The following DNAJB6 variants were observed in gnomAD, a reference collection of about 807,000 sequenced individuals.
The protein encoded by DNAJB6 is dnaJ homolog subfamily B member 6.
DNAJB6 carries 16 observed loss-of-function variants against 42.7 expected under a neutral mutation model. The observed-to-expected ratio is 0.37, with a 90% CI of 0.25 to 0.57. The LOEUF is 0.57. DNAJB6 is among the 20% of genes least tolerant of loss of function. The probability of loss-of-function intolerance (pLI) is 0.74; values close to 1 mark genes in which losing one functional copy is unlikely to be tolerated. For missense variants in DNAJB6, 347 were observed against 416.8 expected (o/e 0.83, Z 1.46); for synonymous variants, 170 against 163.5 (o/e 1.04, Z -0.30).
intron 7 of DNAJB6, 101 bp downstream of exon 7, chr7:157,385,109 A>T (rs921278158): frequency 8.9e-6 from 11 of 1,242,634 alleles, no homozygotes; most frequent in Non-Finnish European, 1.1e-5. Context: ...AGGTTGTTGT[A>T]TGCTAAATCT....
In DNAJB6 at chr7:157,365,352, G is replaced by GT. The variant is rs1799791900; in HGVS notation, c.176-1149dup. 2.0e-5 allele frequency among the ~76,000 whole-genome samples: 3 copies of GT among 152,364 alleles called. No individual in the cohort carries two copies. The South Asian group carries it at 6.2e-4, about 32-fold the overall frequency. ...CTGGGATATAAGTAGCATTTGGAAT[G>GT]TAAGTGTGAAGACTGTCAGTGGAGA... On this transcript the variant is annotated intron_variant, in intron 3 of 9. Transcript: ENST00000262177.
rs1799415161 is a variant in DNAJB6, at chr7:157,358,408, A to G, written c.-26-139A>G. ...GTCTTGGCCCAGCAGGCTAGTGGTT[A>G]GCTCTAGTGGAAGTTCCCTCTGTAG... On this transcript the variant is annotated intron_variant, in intron 1 of 9. Coordinates refer to ENST00000262177, the MANE Select transcript of DNAJB6 (RefSeq NM_058246.4). 8.3e-6 allele frequency: 5 copies of G among 605,124 alleles called. No individual in the cohort carries two copies. In the Admixed American group the frequency reaches 1.5e-4, roughly 18 times the overall value. The allele number at this position is 605,124 out of a possible 1,614,324, so 37.5% of individuals were successfully genotyped here.
At chr7:157,365,604 A>G (rs1217394133) in intron 3 of DNAJB6, among the ~76,000 whole-genome samples, 1 of 152,186 alleles carries the variant, frequency 6.6e-6, no homozygotes, top group Non-Finnish European at 1.5e-5. Context: ...TGTGATTTTA[A>G]TGTAGCATGT....
chr7:157,398,633 T>C (rs1399296993), intron 8 of DNAJB6, among the ~76,000 whole-genome samples: 2 of 152,234 alleles, frequency 1.3e-5, no homozygotes, highest in Non-Finnish European at 2.9e-5. Context: ...GGGGGGATGC[T>C]GGCAGATCTT....
intron 8 of DNAJB6, among the ~76,000 whole-genome samples, chr7:157,403,683 G>C (rs758859399): frequency 6.6e-6 from 1 of 152,186 alleles, no homozygotes; most frequent in African/African-American, 2.4e-5. Flanking sequence ...TGTGCCCGAT[G>C]CAGTTCCCAG....
intron 8 of DNAJB6, among the ~76,000 whole-genome samples, chr7:157,387,790 TGAG>T (rs149039719): frequency 0.029 from 4,382 of 152,208 alleles, 235 homozygotes; most frequent in African/African-American, 0.1. Flanking sequence ...AATTTTTTTT[TGAG>T]GAGGAGGGAG....
At chr7:157,367,062 G>T (rs1799880292) in intron 4 of DNAJB6, among the ~76,000 whole-genome samples, 1 of 152,132 alleles carries the variant, frequency 6.6e-6, no homozygotes, top group Non-Finnish European at 1.5e-5. Context: ...AGATACTCTT[G>T]GTCTTCATAA....
chr7:157,389,031 G>C (rs1801214840), intron 8 of DNAJB6, among the ~76,000 whole-genome samples: 1 of 152,212 alleles, frequency 6.6e-6, no homozygotes, highest in Non-Finnish European at 1.5e-5. Context: ...TCAATGAGTA[G>C]ATTTTAGAAG....
At position 157,384,895 on chromosome 7, in the gene DNAJB6, C is replaced by T. The variant is rs199967671; in HGVS notation, c.507C>T (p.His169=). 91 of 1,613,068 alleles carry T rather than the reference C, an allele frequency of 5.6e-5. 1 individual carries two copies. The East Asian group carries it at 1.2e-3, about 21-fold the overall frequency. ...TTACTTCATTTGGGTCACTAGGTCA[C>T]GGGGGCCTCACTTCATTCTCTTCCA... ...TGFTSFGSLG[H]GGLTSFSSTS... is the part of the protein sequence containing the mutation. The change falls in exon 7 of 10, where the codon CAC becomes CAT. Residue 169 remains histidine, a synonymous_variant. Transcript: ENST00000262177.
At chr7:157,409,064 C>A (rs1795874714) in intron 8 of DNAJB6, among the ~76,000 whole-genome samples, 1 of 152,266 alleles carries the variant, frequency 6.6e-6, no homozygotes, top group Admixed American at 6.5e-5. Flanking sequence ...CTTTGAGAAT[C>A]ACAGTGGAGA....
chr7:157,349,863 G>A (rs1173249034), intron 1 of DNAJB6, among the ~76,000 whole-genome samples: 1 of 152,066 alleles, frequency 6.6e-6, no homozygotes, highest in Non-Finnish European at 1.5e-5. Context: ...GGCTGGTCTC[G>A]AACTCCTGGC....
intron 1 of DNAJB6, among the ~76,000 whole-genome samples, chr7:157,342,333 ATTTTTTTTTTTTTTT>A (rs11329531): frequency 3.3e-5 from 2 of 60,406 alleles, no homozygotes; most frequent in African/African-American, 7.3e-5. Context: ...ATCCTGGCTA[ATTTTTTTTTTTTTTT>A]TTTTTTTTTT....
At chr7:157,363,062 G>A in intron 2 of DNAJB6, 99 bp from the exon 3 acceptor site, 1 of 722,132 alleles carries the variant, frequency 1.4e-6, no homozygotes, top group East Asian at 2.9e-5. Context: ...TCACCAGTTG[G>A]CAGCTCTGAA....
At chr7:157,340,901 A>G (rs1015098518) in intron 1 of DNAJB6, among the ~76,000 whole-genome samples, 2 of 151,882 alleles carry the variant, frequency 1.3e-5, no homozygotes, top group African/African-American at 4.8e-5. Flanking sequence ...ACCTGACCTC[A>G]GGTGATCCCC....
intron 1 of DNAJB6, among the ~76,000 whole-genome samples, chr7:157,353,183 C>T (rs896571208): frequency 6.6e-6 from 1 of 150,874 alleles, no homozygotes; most frequent in African/African-American, 2.4e-5. Context: ...CCGCCTCGGG[C>T]TCCTAAAGTG....
At chr7:157,405,148 C>A (rs576581815) in intron 8 of DNAJB6, among the ~76,000 whole-genome samples, 1 of 152,156 alleles carries the variant, frequency 6.6e-6, no homozygotes, top group Non-Finnish European at 1.5e-5. Context: ...ACATGTGGGA[C>A]GCGGCGATGG....
At chr7:157,362,459 C>T (rs1799651469) in intron 2 of DNAJB6, among the ~76,000 whole-genome samples, 1 of 152,054 alleles carries the variant, frequency 6.6e-6, no homozygotes, top group Non-Finnish European at 1.5e-5. Context: ...ACCACAACCT[C>T]TGCCTCCCAG....
At chr7:157,360,310 G>C (rs1406524139) in intron 2 of DNAJB6, among the ~76,000 whole-genome samples, 5 of 152,176 alleles carry the variant, frequency 3.3e-5, no homozygotes, top group African/African-American at 1.2e-4. Context: ...ATTATCAGGA[G>C]AATAGCACGG....
intron 5 of DNAJB6, among the ~76,000 whole-genome samples, chr7:157,373,138 C>G (rs1584914625): frequency 8.4e-6 from 1 of 118,676 alleles, no homozygotes; most frequent in South Asian, 2.2e-4. Context: ...TTCATCTTAA[C>G]TTGATAATCT....
Sources: allele counts gnomAD v4.1 joint callset (sites outside exome capture counted in the v4.1 genomes callset), GRCh38; gene constraint gnomAD v4.1.1; transcripts MANE v1.5; gene names NCBI Gene and HGNC (gene_info 2026-07-23, HGNC 2026-07-21).